The following INMT variants were observed in gnomAD, a reference collection of about 807,000 sequenced individuals.
INMT encodes the protein amine N-methyltransferase.
A neutral mutation model predicts 11.5 loss-of-function variants in INMT; 11 were observed. The ratio of observed to expected loss-of-function variants is 0.95; its 90% CI spans 0.60 to 1.58. The LOEUF (loss-of-function observed/expected upper bound fraction) is 1.58. Among genes scored for constraint, INMT ranks in the 40% most tolerant of loss-of-function variants. The pLI is 0.00. For synonymous variants in INMT, 155 were observed against 142.9 expected, an observed-to-expected ratio of 1.08 and a Z score of -0.60; for missense variants, 316 against 336.1, an observed-to-expected ratio of 0.94 and a Z score of 0.47.
chr7:30,752,350 C>A lies in INMT; in HGVS notation c.154+46C>A, dbSNP rs372444479. 8 of 1,528,558 alleles carry A rather than the reference C, an allele frequency of 5.2e-6. No homozygotes were observed. In the African/African-American group the frequency reaches 1.1e-4, roughly 21 times the overall value. The allele number at this position is 1,528,558 out of a possible 1,614,324, so 94.7% of individuals were successfully genotyped here. A position where few individuals can be genotyped will look rare whatever the true frequency, so the allele number is the denominator to read the frequency against. On this transcript the variant is annotated intron_variant, in intron 1 of 2. Coordinates refer to ENST00000013222, the MANE Select transcript of INMT (RefSeq NM_006774.5). ...CCCCTTGAGCCTCTCTCCAAGGAAC[C>A]TGGATGGGGATGGGGAGACGGTGTC...
intron 1 of INMT, among the ~76,000 whole-genome samples, chr7:30,752,541 A>C (rs992046272): frequency 6.6e-6 from 1 of 152,060 alleles, no homozygotes; most frequent in Admixed American, 6.5e-5. Flanking sequence ...TGCAGTTCCC[A>C]CACTGCTCTC....
In INMT at chr7:30,755,991, A is replaced by C. The variant is rs577529560; in HGVS notation, c.*140A>C. On this transcript the variant is annotated 3_prime_UTR_variant, in exon 3 of 3. Coordinates refer to ENST00000013222, the MANE Select transcript of INMT (RefSeq NM_006774.5). ...CCATCTTCTGAAATTCTGAGATTCT[A>C]ACATCCTTGTTTTAGAATTCTAAGT... 23 of 1,428,372 alleles carry C rather than the reference A, an allele frequency of 1.6e-5. No homozygotes were observed. The African/African-American group carries it at 3.0e-4, about 19-fold the overall frequency. The allele number at this position is 1,428,372 out of a possible 1,614,324, so 88.5% of individuals were successfully genotyped here.
chr7:30,754,706 CCCAT>C lies in INMT; in HGVS notation c.363-706_363-703del, dbSNP rs1786187557. ...CCATCCACATTCATCCACCCACCCA[CCCAT>C]CCATCCATCTTTCCTTCTTCCCTCT... On this transcript the variant is annotated intron_variant, in intron 2 of 2. Coordinates refer to ENST00000013222, the MANE Select transcript of INMT (RefSeq NM_006774.5). This position sits in a 1 kb window ranked among gnomAD's most constrained non-coding sequence, Gnocchi z 4.9. 6.6e-6 allele frequency among the ~76,000 whole-genome samples: 1 copy of C among 151,934 alleles called. No homozygotes were observed. Among genetic ancestry groups the C allele is most frequent in the Non-Finnish European group, 1.5e-5 (1 of 67,954 alleles).
Position 30,753,940 on chromosome 7 carries a change from TA to T in INMT, c.362+3del. The T allele has an allele frequency of 6.2e-7, 1 of 1,613,194 alleles. No homozygotes were observed. Among genetic ancestry groups the T allele is most frequent in the South Asian group, 1.1e-5 (1 of 91,052 alleles). On this transcript the variant is annotated splice_donor_region_variant and intron_variant, in intron 2 of 2. Coordinates refer to ENST00000013222, the MANE Select transcript of INMT (RefSeq NM_006774.5). The stretch of plus-strand genomic sequence containing the variant: ...CGCCTGTGAGCTGGAAGGAAACAGG[TA>T]GGGGTGCAGAGGTTGGGGAGGGGGT...
In INMT at chr7:30,755,833, C is replaced by A. The variant is rs768270320; in HGVS notation, c.774C>A (p.Arg258=). ...ATGGGGTCTGCTTCATTGTGGCTCG[C>A]AAGAAGCCTGGGCCCTGAGCCAGGA... ...ANNGVCFIVA[R]KKPGP The change falls in exon 3 of 3, where the codon CGC becomes CGA. Residue 258 remains arginine, a synonymous_variant. Coordinates refer to ENST00000013222, the MANE Select transcript of INMT (RefSeq NM_006774.5). 1.3e-5 allele frequency: 21 copies of A among 1,609,340 alleles called. No individual in the cohort carries two copies. The highest frequency in any genetic ancestry group is 8.5e-7 in the Non-Finnish European group (1 of 1,176,866).
chr7:30,752,599 C>A (rs1786111946), intron 1 of INMT, among the ~76,000 whole-genome samples: 1 of 152,170 alleles, frequency 6.6e-6, no homozygotes. Flanking sequence ...CTCTCCAGGT[C>A]ATCATCAAGT....
chr7:30,753,579 C>T, intron 1 of INMT, 152 bp from the exon 2 acceptor site: 5 of 699,654 alleles, frequency 7.1e-6, no homozygotes, highest in South Asian at 6.8e-5. Flanking sequence ...AAATATTTGG[C>T]ATGAGGCTTG....
chr7:30,753,237 C>T (rs1786132744), intron 1 of INMT, among the ~76,000 whole-genome samples: 1 of 152,210 alleles, frequency 6.6e-6, no homozygotes. Context: ...TGCTTTCACC[C>T]CTCCCTCCTC....
At position 30,755,590 on chromosome 7, in the gene INMT, C is replaced by T. The variant is rs768940876; in HGVS notation, c.531C>T (p.Arg177=). 56 of 1,613,984 alleles carry T rather than the reference C, an allele frequency of 3.5e-5. No homozygotes were observed. The highest frequency in any genetic ancestry group is 1.6e-4 in the Middle Eastern group (1 of 6,084). ...CCTGCTGTAGCCTTGATGCCTACCG[C>T]GCTGCCCTGTGCAACCTTGCCTCAC... ...ECACCSLDAY[R]AALCNLASLL... Residue 177 remains arginine, a synonymous_variant, in exon 3 of 3, where the codon CGC becomes CGT. Transcript: ENST00000013222.
intron 1 of INMT, among the ~76,000 whole-genome samples, chr7:30,752,680 T>C (rs1357004745): frequency 2.0e-5 from 3 of 152,154 alleles, no homozygotes; most frequent in Non-Finnish European, 4.4e-5. Flanking sequence ...AGGGTTGCAG[T>C]GGGACGGGAT....
At chr7:30,752,744 AG>A (rs1786116687) in intron 1 of INMT, among the ~76,000 whole-genome samples, 1 of 152,086 alleles carries the variant, frequency 6.6e-6, no homozygotes, top group South Asian at 2.1e-4. Flanking sequence ...GACCTGGAAA[AG>A]CCCTGCCCTG....
chr7:30,755,457 C>T lies in INMT; in HGVS notation c.398C>T (p.Ala133Val). The T allele has an allele frequency of 6.3e-7, 1 of 1,599,674 alleles. No homozygotes were observed. The highest frequency in any genetic ancestry group is 1.7e-5 in the Admixed American group (1 of 59,936). ...GAGGAGAAGGAGGAGAAGCTGCGGG[C>T]AGCGGTGAAGCGGGTGCTCAAGTGC... is the stretch of plus-strand genomic sequence containing the variant. ...RWEEKEEKLR[A>V]AVKRVLKCDV... is the part of the protein sequence containing the mutation. The change falls in exon 3 of 3, where the codon GCA becomes GTA. Residue 133 changes from alanine to valine, a missense_variant. Transcript: ENST00000013222.
chr7:30,752,426 G>T (rs1409847379), intron 1 of INMT, 122 bp downstream of exon 1: 1 of 730,900 alleles, frequency 1.4e-6, no homozygotes, highest in African/African-American at 1.9e-5. Flanking sequence ...GGCTGGGGGA[G>T]CTTCTGGGGC....
intron 1 of INMT, 116 bp downstream of exon 1, chr7:30,752,420 G>A (rs1786107701): frequency 1.1e-5 from 9 of 801,002 alleles, no homozygotes; most frequent in Non-Finnish European, 1.8e-5. Flanking sequence ...GGGATGGGCT[G>A]GGGGAGCTTC....
Position 30,754,105 on chromosome 7 carries a change from T to C in INMT, c.362+167T>C, listed in dbSNP as rs1263084084. ...TAGATGGAATCCCAAGTTTCAGGAT[T>C]ACAGCAGTTTTAGGGGCAAGACTCT... On this transcript the variant is annotated intron_variant, in intron 2 of 2. Coordinates refer to ENST00000013222, the MANE Select transcript of INMT (RefSeq NM_006774.5). The surrounding 1 kb of genome is among the most constrained non-coding windows in gnomAD (Gnocchi z 4.9). Among the ~76,000 whole-genome samples, 1 of 152,176 alleles carries C rather than the reference T, an allele frequency of 6.6e-6. No individual in the cohort carries two copies. Among genetic ancestry groups the C allele is most frequent in the Non-Finnish European group, 1.5e-5 (1 of 68,030 alleles).
intron 1 of INMT, among the ~76,000 whole-genome samples, chr7:30,752,866 A>G (rs1786120393): frequency 6.6e-6 from 1 of 152,080 alleles, no homozygotes; most frequent in South Asian, 2.1e-4. Context: ...TCTCCCGATG[A>G]TCACTGCCCT....
chr7:30,753,999 T>C (rs1318050292), intron 2 of INMT, 61 bp downstream of exon 2: 2 of 1,537,408 alleles, frequency 1.3e-6, no homozygotes, highest in East Asian at 2.3e-5. Flanking sequence ...GAAGTCTCCC[T>C]GGCCTCTTTG....
In INMT at chr7:30,755,877, G is replaced by A; in HGVS notation, c.*26G>A. The A allele has an allele frequency of 6.3e-7, 1 of 1,588,948 alleles. No individual in the cohort carries two copies. Among genetic ancestry groups the A allele is most frequent in the South Asian group, 1.1e-5 (1 of 88,702 alleles). ...GCCAGGAGGGCCAGCCAGAGGTCTG[G>A]TCAGGCTGTGAGGCCTTGGCCATCT... On this transcript the variant is annotated 3_prime_UTR_variant, in exon 3 of 3. Transcript: ENST00000013222.
chr7:30,756,036 A>G lies in INMT; in HGVS notation c.*185A>G, dbSNP rs1256755573. On this transcript the variant is annotated 3_prime_UTR_variant, in exon 3 of 3. Coordinates refer to ENST00000013222, the MANE Select transcript of INMT (RefSeq NM_006774.5). ...CTAAGTTTCCAACATTCCTCATTCTAGGATCCTAGGAGTGGAATTTTCCAT... is the reference window on the plus strand; with the variant it reads ...CTAAGTTTCCAACATTCCTCATTCTGGGATCCTAGGAGTGGAATTTTCCAT... 1.4e-6 allele frequency: 2 copies of G among 1,410,928 alleles called. No homozygotes were observed. Among genetic ancestry groups the G allele is most frequent in the Non-Finnish European group, 1.8e-6 (2 of 1,086,320 alleles). 87.4% of individuals were successfully genotyped at this position (1,410,928 alleles called of 1,614,324 possible). A position where few individuals can be genotyped will look rare whatever the true frequency, so the allele number is the denominator to read the frequency against.
Sources: allele counts gnomAD v4.1 joint callset (sites outside exome capture counted in the v4.1 genomes callset), GRCh38; gene constraint gnomAD v4.1.1; non-coding constraint Gnocchi (gnomAD v3.1); transcripts MANE v1.5; gene names NCBI Gene and HGNC (gene_info 2026-07-23, HGNC 2026-07-21).